The following ATF7IP2 variants were observed in gnomAD, a reference collection of about 807,000 sequenced individuals.
The protein encoded by ATF7IP2 is activating transcription factor 7 interacting protein 2, also known as activating transcription factor 7-interacting protein 2.
In ATF7IP2, 42 loss-of-function variants were observed where a neutral mutation model predicts 64.2. The ratio of observed to expected loss-of-function variants is 0.65; its 90% CI spans 0.51 to 0.85. The LOEUF is 0.85. ATF7IP2 is among the 40% of genes least tolerant of loss of function. The pLI is 0.00. For synonymous variants in ATF7IP2, 308 were observed against 272.8 expected (o/e 1.13, Z -1.27); for missense variants, 933 against 784.2 (o/e 1.19, Z -2.27).
At chr16:10,416,387 C>A (rs1447409388) in intron 2 of ATF7IP2, among the ~76,000 whole-genome samples, 1 of 152,060 alleles carries the variant, frequency 6.6e-6, no homozygotes, top group African/African-American at 2.4e-5. Context: ...TTTGTGGGAG[C>A]TAAAAATTAA....
In ATF7IP2 at chr16:10,431,543, A is replaced by G. The variant is rs2048256181; in HGVS notation, c.835+88A>G. Reference sequence around the variant, plus strand: ...TAAAGTCTCAAATATACAAACCAGTATAGACAGAAAAAAGGTAAATGATGA... The same window carrying G: ...TAAAGTCTCAAATATACAAACCAGTGTAGACAGAAAAAAGGTAAATGATGA... On this transcript the variant is annotated intron_variant, in intron 5 of 13. Coordinates refer to ENST00000562102, the MANE Select transcript of ATF7IP2 (RefSeq NM_001393719.1). 4.7e-6 allele frequency: 4 copies of G among 850,230 alleles called. No homozygotes were observed. The East Asian group carries it at 7.8e-5, about 17-fold the overall frequency. 52.7% of individuals were successfully genotyped at this position (850,230 alleles called of 1,614,324 possible).
chr16:10,469,634 G>A (rs1405034657), intron 9 of ATF7IP2, among the ~76,000 whole-genome samples: 1 of 152,106 alleles, frequency 6.6e-6, no homozygotes, highest in Non-Finnish European at 1.5e-5. Context: ...AATTAGCCCA[G>A]CATTGTGGCG....
chr16:10,447,436 A>G (rs761581761), intron 8 of ATF7IP2: 5 of 152,116 alleles, frequency 3.3e-5, no homozygotes, highest in Non-Finnish European at 7.4e-5. Context: ...AGGGCCCCCA[A>G]ATTGTTAGAA....
At chr16:10,449,417 G>C (rs1414060674) in intron 8 of ATF7IP2, 1 of 152,142 alleles carries the variant, frequency 6.6e-6, no homozygotes, top group South Asian at 2.1e-4. Flanking sequence ...GGTAGGATTT[G>C]GCTGTGAATC....
chr16:10,460,653 G>C (rs553073662), intron 9 of ATF7IP2, among the ~76,000 whole-genome samples: 1 of 152,132 alleles, frequency 6.6e-6, no homozygotes, highest in South Asian at 2.1e-4. Context: ...TGCTGTTTAT[G>C]TTGGGGGAAA....
chr16:10,417,940 T>TG (rs1281457727), intron 2 of ATF7IP2, among the ~76,000 whole-genome samples: 1 of 152,184 alleles, frequency 6.6e-6, no homozygotes. Flanking sequence ...CTGGAACAAT[T>TG]GGATGTCCAC....
chr16:10,426,291 A>T lies in ATF7IP2; in HGVS notation c.-159-2577A>T, dbSNP rs577583261. On this transcript the variant is annotated intron_variant, in intron 3 of 13. Transcript: ENST00000562102. ...AGTTCTGGTGTTGGTAGGGATCCCC[A>T]ATTAGTTTGGGTGGCTTTTTATTCT... Among the ~76,000 whole-genome samples the T allele has an allele frequency of 2.0e-5, 3 of 152,312 alleles. No individual in the cohort carries two copies. The South Asian group carries it at 6.2e-4, about 32-fold the overall frequency.
intron 1 of ATF7IP2, among the ~76,000 whole-genome samples, chr16:10,389,346 G>A (rs2047274045): frequency 6.6e-6 from 1 of 152,238 alleles, no homozygotes; most frequent in Admixed American, 6.5e-5. Context: ...CTACAGAACT[G>A]GATCTACGAA....
chr16:10,400,266 C>G (rs1277670219), intron 1 of ATF7IP2, among the ~76,000 whole-genome samples: 1 of 152,192 alleles, frequency 6.6e-6, no homozygotes, highest in African/African-American at 2.4e-5. Flanking sequence ...GTCTTGAACT[C>G]CTGACCTCAG....
Position 10,483,315 on chromosome 16 carries a change from A to G in ATF7IP2, c.*1066A>G, listed in dbSNP as rs1053773647. The G allele has an allele frequency of 6.6e-6, 1 of 152,068 alleles. No individual in the cohort carries two copies. Among genetic ancestry groups the G allele is most frequent in the Non-Finnish European group, 1.5e-5 (1 of 68,008 alleles). The allele number at this position is 152,068 out of a possible 1,614,324, so 9.4% of individuals were successfully genotyped here. ...CTGATTTCCTAAATGCTACCCTTTG[A>G]TCATTTCCTGGCCACCATCACAATA... On this transcript the variant is annotated 3_prime_UTR_variant, in exon 14 of 14. Transcript: ENST00000562102.
At chr16:10,388,454 C>T (rs1164347159) in intron 1 of ATF7IP2, among the ~76,000 whole-genome samples, 1 of 152,122 alleles carries the variant, frequency 6.6e-6, no homozygotes, top group Non-Finnish European at 1.5e-5. Context: ...TAAATGTGGT[C>T]ATAAGTTTCA....
chr16:10,391,621 G>A (rs994547194), intron 1 of ATF7IP2, among the ~76,000 whole-genome samples: 4 of 152,102 alleles, frequency 2.6e-5, no homozygotes, highest in African/African-American at 9.7e-5. Flanking sequence ...AATGAGGCCG[G>A]GTGCAGTGGC....
At chr16:10,406,007 T>G (rs2047631498) in intron 1 of ATF7IP2, among the ~76,000 whole-genome samples, 1 of 152,030 alleles carries the variant, frequency 6.6e-6, no homozygotes, top group Non-Finnish European at 1.5e-5. Context: ...GAGAATTGCT[T>G]GAACCCAGGA....
At chr16:10,468,254 A>C (rs1471824895) in intron 9 of ATF7IP2, among the ~76,000 whole-genome samples, 1 of 152,198 alleles carries the variant, frequency 6.6e-6, no homozygotes, top group Admixed American at 6.5e-5. Context: ...CAAATGTTAG[A>C]GTCCCATTGA....
intron 2 of ATF7IP2, among the ~76,000 whole-genome samples, chr16:10,418,006 AG>A (rs1470404393): frequency 3.3e-5 from 5 of 152,260 alleles, no homozygotes; most frequent in Non-Finnish European, 7.3e-5. Flanking sequence ...ACACACACAC[AG>A]AAATATAGAG....
chr16:10,456,092 G>A (rs1428616755), intron 8 of ATF7IP2, among the ~76,000 whole-genome samples: 1 of 151,998 alleles, frequency 6.6e-6, no homozygotes, highest in Non-Finnish European at 1.5e-5. Flanking sequence ...CAATTCTCGT[G>A]CCTTAGCCTC....
At chr16:10,452,479 T>C (rs1023567428) in intron 8 of ATF7IP2, among the ~76,000 whole-genome samples, 3 of 152,312 alleles carry the variant, frequency 2.0e-5, no homozygotes, top group African/African-American at 7.2e-5. Flanking sequence ...CTCTGGAAGC[T>C]TCATCCCAGA....
At chr16:10,465,020 G>C (rs528304825) in intron 9 of ATF7IP2, among the ~76,000 whole-genome samples, 1 of 152,278 alleles carries the variant, frequency 6.6e-6, no homozygotes, top group East Asian at 1.9e-4. Context: ...AGTAGAGAAG[G>C]GGTTTCGCCA....
chr16:10,430,554 G>C, intron 4 of ATF7IP2, 57 bp from the exon 5 acceptor site: 1 of 1,025,726 alleles, frequency 9.7e-7, no homozygotes, highest in Non-Finnish European at 1.4e-6. Context: ...TAATTCAGTA[G>C]TAAATAACTT....
Sources: allele counts gnomAD v4.1 joint callset (sites outside exome capture counted in the v4.1 genomes callset), GRCh38; gene constraint gnomAD v4.1.1; transcripts MANE v1.5; gene names NCBI Gene and HGNC (gene_info 2026-07-23, HGNC 2026-07-21).